PPP2R2A: variants seen among roughly 807,000 people sequenced by gnomAD.
PPP2R2A encodes protein phosphatase 2 regulatory subunit Balpha, also known as serine/threonine-protein phosphatase 2A 55 kDa regulatory subunit B alpha isoform.
Under a neutral mutation model 53.2 loss-of-function variants are expected in PPP2R2A, and 9 were observed. The ratio of observed to expected loss-of-function variants is 0.17; its 90% confidence interval spans 0.10 to 0.30. The LOEUF is 0.30. PPP2R2A is among the 10% of genes least tolerant of loss of function. The pLI, the probability that PPP2R2A is intolerant of heterozygous loss-of-function variation, is 1.00. For missense variants in PPP2R2A, 235 were observed against 534.6 expected (o/e 0.44, Z 5.53); for synonymous variants, 169 against 174.2 (o/e 0.97, Z 0.23).
chr8:26,370,022 A>T lies in PPP2R2A; in HGVS notation c.1065-112A>T. ...TTGATGTCAACAGCCCCTGTCCCTTAGTTTAAATCTGCTTTTGAAGTAGCT... is the reference window on the plus strand; with the variant it reads ...TTGATGTCAACAGCCCCTGTCCCTTTGTTTAAATCTGCTTTTGAAGTAGCT... On this transcript the variant is annotated intron_variant, in intron 9 of 9. Coordinates refer to ENST00000380737, the MANE Select transcript of PPP2R2A (RefSeq NM_002717.4). The surrounding 1 kb of genome is among the most constrained non-coding windows in gnomAD (Gnocchi z 6.1). 1 of 1,086,578 alleles carries T rather than the reference A, an allele frequency of 9.2e-7. No individual in the cohort carries two copies. The highest frequency in any genetic ancestry group is 1.6e-5 in the South Asian group (1 of 64,312). 67.3% of individuals were successfully genotyped at this position (1,086,578 alleles called of 1,614,324 possible). A position where few individuals can be genotyped will look rare whatever the true frequency, so the allele number is the denominator to read the frequency against.
At chr8:26,351,329 C>T (rs770514422) in intron 3 of PPP2R2A, among the ~76,000 whole-genome samples, 1 of 151,900 alleles carries the variant, frequency 6.6e-6, no homozygotes, top group Non-Finnish European at 1.5e-5. Context: ...GTCCCTGTCT[C>T]CATGGCCCTC....
At chr8:26,317,481 C>T (rs1320031864) in intron 2 of PPP2R2A, among the ~76,000 whole-genome samples, 1 of 152,148 alleles carries the variant, frequency 6.6e-6, no homozygotes, top group Non-Finnish European at 1.5e-5. Flanking sequence ...AGGCACAGGA[C>T]AGTATCTGGC....
At position 26,317,095 on chromosome 8, in the gene PPP2R2A, G is replaced by A. The variant is rs1394804010; in HGVS notation, c.83-21795G>A. 7.9e-5 allele frequency among the ~76,000 whole-genome samples: 12 copies of A among 152,134 alleles called. No individual in the cohort carries two copies. In the South Asian group the frequency reaches 1.9e-3, roughly 24 times the overall value. On this transcript the variant is annotated intron_variant, in intron 2 of 9. Transcript: ENST00000380737. The stretch of plus-strand genomic sequence containing the variant: ...TTACTAGTAGTACAACATTTGTATC[G>A]TAGGTTTAGTACTGTGCTCCCTCTG...
chr8:26,325,890 G>C (rs1351219601), intron 2 of PPP2R2A, among the ~76,000 whole-genome samples: 1 of 152,038 alleles, frequency 6.6e-6, no homozygotes, highest in Non-Finnish European at 1.5e-5. Flanking sequence ...CTGGAGTGTG[G>C]TGGCGTGAGA....
At chr8:26,302,559 C>T (rs1044266147) in intron 2 of PPP2R2A, among the ~76,000 whole-genome samples, 4 of 152,166 alleles carry the variant, frequency 2.6e-5, no homozygotes, top group African/African-American at 9.7e-5. Flanking sequence ...ATTCCACAAA[C>T]CTTCAAGAAT....
chr8:26,320,210 G>T (rs1802766705), intron 2 of PPP2R2A, among the ~76,000 whole-genome samples: 1 of 152,096 alleles, frequency 6.6e-6, no homozygotes, highest in African/African-American at 2.4e-5. Context: ...ACGTTATGTG[G>T]GTGTCAACTC....
chr8:26,312,738 T>G (rs908875181), intron 2 of PPP2R2A, among the ~76,000 whole-genome samples: 1 of 152,248 alleles, frequency 6.6e-6, no homozygotes, highest in Non-Finnish European at 1.5e-5. Flanking sequence ...TGTTTTTTGC[T>G]GGTAATTTGC....
rs1585409103 is a variant in PPP2R2A, at chr8:26,362,087, A to G, written c.638-597A>G. On this transcript the variant is annotated intron_variant, in intron 6 of 9. Coordinates refer to ENST00000380737, the MANE Select transcript of PPP2R2A (RefSeq NM_002717.4). The surrounding 1 kb of genome is among the most constrained non-coding windows in gnomAD (Gnocchi z 4.4). ...TTTTAAGATTAGAAAAAGATTAATA[A>G]TTAGATTAGATTAGAAAAAGATTAG... 6.7e-6 allele frequency among the ~76,000 whole-genome samples: 1 copy of G among 149,268 alleles called. No homozygotes were observed. Among genetic ancestry groups the G allele is most frequent in the African/African-American group, 2.5e-5 (1 of 40,262 alleles).
At chr8:26,367,332 T>A (rs1805427425) in intron 9 of PPP2R2A, among the ~76,000 whole-genome samples, 1 of 152,080 alleles carries the variant, frequency 6.6e-6, no homozygotes, top group Non-Finnish European at 1.5e-5. Context: ...ATTAACAAAT[T>A]TGAAGAGTAA....
chr8:26,355,521 C>T (rs146832035), intron 4 of PPP2R2A, among the ~76,000 whole-genome samples: 27 of 152,176 alleles, frequency 1.8e-4, no homozygotes, highest in African/African-American at 5.3e-4. Flanking sequence ...TGGGATTACA[C>T]GTGTGAGCCA....
intron 3 of PPP2R2A, among the ~76,000 whole-genome samples, chr8:26,353,253 G>A (rs1280812449): frequency 2.0e-5 from 3 of 152,182 alleles, no homozygotes; most frequent in Non-Finnish European, 2.9e-5. Context: ...TATGTGGATC[G>A]TTTTGTGGGA....
chr8:26,339,542 A>G (rs532787731), intron 3 of PPP2R2A, among the ~76,000 whole-genome samples: 47 of 152,262 alleles, frequency 3.1e-4, no homozygotes, highest in African/African-American at 9.6e-4. Flanking sequence ...AAATTGCAGA[A>G]TCGGTAATTA....
chr8:26,327,496 T>C (rs1803151655), intron 2 of PPP2R2A, among the ~76,000 whole-genome samples: 1 of 152,202 alleles, frequency 6.6e-6, no homozygotes, highest in Admixed American at 6.5e-5. Flanking sequence ...AAACTTGCTT[T>C]TCAGGGCGTT....
intron 3 of PPP2R2A, among the ~76,000 whole-genome samples, chr8:26,348,314 G>A (rs942241914): frequency 6.6e-6 from 1 of 152,138 alleles, no homozygotes; most frequent in African/African-American, 2.4e-5. Context: ...GAGAAAGTTA[G>A]TACAGGTTGA....
intron 1 of PPP2R2A, 168 bp from the exon 2 acceptor site, chr8:26,293,498 C>T: frequency 1.4e-6 from 1 of 702,832 alleles, no homozygotes. Flanking sequence ...TAATGCAGTA[C>T]CAAGTATTGG....
intron 2 of PPP2R2A, chr8:26,298,454 T>C (rs2117192222): frequency 6.6e-6 from 1 of 152,350 alleles, no homozygotes; most frequent in South Asian, 2.1e-4. Context: ...ATAACTAAGC[T>C]ATTCACATTA....
At chr8:26,323,342 T>G (rs1036683588) in intron 2 of PPP2R2A, among the ~76,000 whole-genome samples, 8 of 152,214 alleles carry the variant, frequency 5.3e-5, no homozygotes, top group Non-Finnish European at 8.8e-5. Context: ...AAGCAAGCAA[T>G]CAGTTTTGCA....
At chr8:26,366,085 C>T in intron 8 of PPP2R2A, 1 of 425,070 alleles carries the variant, frequency 2.4e-6, no homozygotes. Context: ...TGTGCCATGC[C>T]CAGAATGGAG....
At chr8:26,301,676 G>C (rs1801796219) in intron 2 of PPP2R2A, among the ~76,000 whole-genome samples, 1 of 152,148 alleles carries the variant, frequency 6.6e-6, no homozygotes, top group Non-Finnish European at 1.5e-5. Context: ...TCTCTGGTCG[G>C]AGTCCGTAGC....
Sources: allele counts gnomAD v4.1 joint callset (sites outside exome capture counted in the v4.1 genomes callset), GRCh38; gene constraint gnomAD v4.1.1; non-coding constraint Gnocchi (gnomAD v3.1); transcripts MANE v1.5; gene names NCBI Gene and HGNC (gene_info 2026-07-23, HGNC 2026-07-21).